The following CPQ variants were observed in gnomAD, a reference collection of about 807,000 sequenced individuals.
CPQ encodes Ser-Met dipeptidase.
CPQ carries 37 observed loss-of-function variants against 45.7 expected under a neutral mutation model. That is an observed-to-expected ratio of 0.81 (90% CI 0.62 to 1.07). The LOEUF (loss-of-function observed/expected upper bound fraction) is 1.07, where lower values mean the gene tolerates loss of function less well. Ranked by LOEUF, CPQ falls within the 50% of genes least tolerant of loss-of-function variation. CPQ has a pLI of 0.00. For synonymous variants in CPQ, 186 were observed against 205.8 expected (o/e 0.90, Z 0.82); for missense variants, 537 against 572.9 (o/e 0.94, Z 0.64).
chr8:96,759,304 G>T (rs1386586877), intron 1 of CPQ, among the ~76,000 whole-genome samples: 1 of 152,100 alleles, frequency 6.6e-6, no homozygotes, highest in African/African-American at 2.4e-5. Flanking sequence ...GTAAAGAAGA[G>T]ATTTTGGTAT....
At chr8:97,139,549 A>G (rs1259729014) in intron 7 of CPQ, among the ~76,000 whole-genome samples, 3 of 152,160 alleles carry the variant, frequency 2.0e-5, no homozygotes, top group Non-Finnish European at 4.4e-5. Context: ...TACAGCCAAC[A>G]TTCTCTAACA....
At chr8:97,085,577 C>T (rs145616843) in intron 7 of CPQ, among the ~76,000 whole-genome samples, 1 of 152,134 alleles carries the variant, frequency 6.6e-6, no homozygotes, top group African/African-American at 2.4e-5. Context: ...AGATATTTGG[C>T]AATACCCAGA....
intron 2 of CPQ, among the ~76,000 whole-genome samples, chr8:96,817,720 C>T (rs1384412513): frequency 6.6e-6 from 1 of 151,928 alleles, no homozygotes; most frequent in African/African-American, 2.4e-5. Flanking sequence ...CTCAAGCAAT[C>T]CTCCCACCTC....
intron 7 of CPQ, 81 bp downstream of exon 7, chr8:97,066,291 G>T: frequency 7.8e-7 from 1 of 1,280,348 alleles, no homozygotes; most frequent in South Asian, 1.4e-5. Context: ...AGAGCACAAT[G>T]AATACTAGTA....
chr8:96,960,669 A>G (rs1427248103), intron 4 of CPQ, among the ~76,000 whole-genome samples: 3 of 152,170 alleles, frequency 2.0e-5, no homozygotes, highest in African/African-American at 7.2e-5. Context: ...CATTTGACAT[A>G]AACACAATGC....
At chr8:96,907,708 A>C (rs925608342) in intron 4 of CPQ, among the ~76,000 whole-genome samples, 2 of 152,028 alleles carry the variant, frequency 1.3e-5, no homozygotes, top group Non-Finnish European at 2.9e-5. Context: ...CTAGCATCCC[A>C]GGTAAACCTG....
At chr8:97,085,073 A>G (rs933021211) in intron 7 of CPQ, among the ~76,000 whole-genome samples, 1 of 151,958 alleles carries the variant, frequency 6.6e-6, no homozygotes, top group African/African-American at 2.4e-5. Context: ...ACTTCTTTAT[A>G]TTATATATGT....
chr8:96,978,079 G>A (rs1393154300), intron 5 of CPQ, among the ~76,000 whole-genome samples: 1 of 151,940 alleles, frequency 6.6e-6, no homozygotes, highest in Non-Finnish European at 1.5e-5. Context: ...TTTTTCTTTA[G>A]AGATGATCTT....
At chr8:96,773,391 A>G (rs1046952920) in intron 1 of CPQ, among the ~76,000 whole-genome samples, 6 of 152,210 alleles carry the variant, frequency 3.9e-5, no homozygotes, top group Non-Finnish European at 7.3e-5. Flanking sequence ...GCAATTGAAA[A>G]GGCAGGAAAT....
At chr8:96,839,701 AT>A (rs1439630989) in intron 3 of CPQ, among the ~76,000 whole-genome samples, 1 of 152,182 alleles carries the variant, frequency 6.6e-6, no homozygotes, top group African/African-American at 2.4e-5. Flanking sequence ...CTCAAGAAAT[AT>A]TTTTATGTAG....
chr8:96,807,222 GT>G (rs35734880), intron 2 of CPQ, among the ~76,000 whole-genome samples: 17 of 149,488 alleles, frequency 1.1e-4, no homozygotes, highest in South Asian at 4.2e-4. Flanking sequence ...GAAAACTGCT[GT>G]TTTTTTTTTA....
At chr8:96,708,838 A>G (rs982399656) in intron 1 of CPQ, among the ~76,000 whole-genome samples, 27 of 152,140 alleles carry the variant, frequency 1.8e-4, no homozygotes, top group Admixed American at 1.2e-3. Flanking sequence ...TACTACCTAC[A>G]TAGTTGTCTC....
At chr8:96,716,885 CAA>C (rs1809680918) in intron 1 of CPQ, among the ~76,000 whole-genome samples, 1 of 150,938 alleles carries the variant, frequency 6.6e-6, no homozygotes, top group East Asian at 1.9e-4. Context: ...CCAGCCTGGG[CAA>C]AAAAGAGCAA....
intron 6 of CPQ, among the ~76,000 whole-genome samples, chr8:97,037,280 C>T (rs764518721): frequency 2.6e-5 from 4 of 152,178 alleles, no homozygotes. Flanking sequence ...ATTTTACTAA[C>T]TCTATTTCCT....
chr8:96,669,476 C>T (rs1808973846), intron 1 of CPQ, among the ~76,000 whole-genome samples: 2 of 152,020 alleles, frequency 1.3e-5, no homozygotes, highest in Admixed American at 1.3e-4. Flanking sequence ...GCAGTAGTGT[C>T]AGAGAAATCC....
At chr8:97,004,273 T>TAAAAAAAAAAAAAAAAAAAAAAA (rs765381107) in intron 5 of CPQ, among the ~76,000 whole-genome samples, 1 of 134,910 alleles carries the variant, frequency 7.4e-6, no homozygotes, top group Non-Finnish European at 1.6e-5. Context: ...AAATAATTTG[T>TAAAAAAAAAAAAAAAAAAAAAAA]AAAAAAAAAA....
At chr8:96,795,321 T>G (rs1451661690) in intron 2 of CPQ, among the ~76,000 whole-genome samples, 1 of 152,024 alleles carries the variant, frequency 6.6e-6, no homozygotes, top group Non-Finnish European at 1.5e-5. Flanking sequence ...AACGATGAGA[T>G]CTTGTGAGAC....
At chr8:96,685,378 T>C (rs1264396219) in intron 1 of CPQ, among the ~76,000 whole-genome samples, 2 of 152,162 alleles carry the variant, frequency 1.3e-5, no homozygotes, top group African/African-American at 2.4e-5. Context: ...TTTAAATCTT[T>C]AATCTGTCTC....
intron 1 of CPQ, among the ~76,000 whole-genome samples, chr8:96,685,055 G>C (rs1563702096): frequency 6.6e-6 from 1 of 151,758 alleles, no homozygotes; most frequent in Non-Finnish European, 1.5e-5. Context: ...AGTGAGCTGA[G>C]CTCGTGCCAC....
Sources: gnomAD v4.1 joint callset for allele counts (sites outside exome capture counted in the v4.1 genomes callset) on GRCh38, gnomAD v4.1.1 for gene constraint, MANE v1.5 for transcripts, NCBI Gene and HGNC (gene_info 2026-07-23, HGNC 2026-07-21) for gene names.